CCDC171: variants seen among roughly 807,000 people sequenced by gnomAD.
CCDC171 encodes coiled-coil domain containing 171, also known as coiled-coil domain-containing protein 171.
Under a neutral mutation model 168.2 loss-of-function variants are expected in CCDC171, and 177 were observed. The observed-to-expected ratio is 1.05, with a 90% CI of 0.93 to 1.19. CCDC171 has a LOEUF of 1.19. CCDC171 is among the 50% of genes most tolerant of loss of function. The pLI is 0.00. For missense variants in CCDC171, 1,991 were observed against 1,539.0 expected (o/e 1.29, Z -4.91); for synonymous variants, 687 against 540.8 (o/e 1.27, Z -3.75).
intron 1 of CCDC171, among the ~76,000 whole-genome samples, chr9:16,047,044 G>A (rs1293154264): frequency 1.3e-5 from 2 of 152,044 alleles, no homozygotes; most frequent in Non-Finnish European, 2.9e-5. Context: ...CTGCATCCTT[G>A]GCCTACTTAT....
the CCDC171 span, among the ~76,000 whole-genome samples, chr9:16,105,512 A>G: frequency 6.6e-6 from 1 of 152,232 alleles, no homozygotes; most frequent in Non-Finnish European, 1.5e-5. Flanking sequence ...ATCAGATTTC[A>G]TGGCTTGATG....
At chr9:15,716,942 A>G (rs946115115) in intron 11 of CCDC171, among the ~76,000 whole-genome samples, 1 of 152,232 alleles carries the variant, frequency 6.6e-6, no homozygotes, top group African/African-American at 2.4e-5. Flanking sequence ...ATGGCTGAAT[A>G]GAAGCCTCCA....
intron 9 of CCDC171, among the ~76,000 whole-genome samples, chr9:15,671,612 G>T (rs1382940863): frequency 2.0e-5 from 3 of 148,768 alleles, no homozygotes; most frequent in Admixed American, 1.4e-4. Flanking sequence ...TGCAGTGTTT[G>T]GTTTTCTGTC....
intron 11 of CCDC171, among the ~76,000 whole-genome samples, chr9:15,719,795 T>C (rs923488996): frequency 7.9e-5 from 12 of 152,162 alleles, no homozygotes; most frequent in African/African-American, 2.9e-4. Context: ...ATTGTAAAAA[T>C]GCAGATTTCC....
chr9:15,764,180 A>G (rs10733301), intron 18 of CCDC171, among the ~76,000 whole-genome samples: 62,011 of 152,134 alleles, frequency 0.41, 14,306 homozygotes, highest in East Asian at 0.66. Flanking sequence ...GGGCAGGGTT[A>G]ACACCTGCAC....
Position 16,052,766 on chromosome 9 carries a change from C to A in CCDC171, n.90-7880C>A, listed in dbSNP as rs1586864070. Among the ~76,000 whole-genome samples the A allele has an allele frequency of 2.0e-5, 3 of 152,180 alleles. No individual in the cohort carries two copies. The South Asian group carries it at 6.2e-4, about 32-fold the overall frequency. ...TCTTTCTTCCCCTCTGTTCACTCCA[C>A]AAACTCTCTTTCTTTCCTCCCCCAA... is the stretch of plus-strand genomic sequence containing the variant. On this transcript the variant is annotated intron_variant and non_coding_transcript_variant, in intron 1 of 1. Transcript: ENST00000478913.
intron 11 of CCDC171, among the ~76,000 whole-genome samples, chr9:15,713,372 T>G (rs1212579536): frequency 4.0e-5 from 6 of 151,446 alleles, no homozygotes; most frequent in Admixed American, 2.6e-4. Flanking sequence ...GCATCCAAGG[T>G]GTGGGTTAAG....
intron 23 of CCDC171, among the ~76,000 whole-genome samples, chr9:15,849,487 A>G (rs1014276497): frequency 1.3e-5 from 2 of 151,546 alleles, no homozygotes; most frequent in African/African-American, 4.8e-5. Flanking sequence ...CTCCTGTATG[A>G]TAAACTCTGA....
intron 25 of CCDC171, among the ~76,000 whole-genome samples, chr9:15,939,166 A>T (rs1827438969): frequency 1.3e-5 from 2 of 151,566 alleles, no homozygotes; most frequent in African/African-American, 4.8e-5. Flanking sequence ...TTATATCTAT[A>T]TACTGTGTCT....
intron 10 of CCDC171, among the ~76,000 whole-genome samples, chr9:15,694,722 T>A (rs947480496): frequency 2.0e-5 from 3 of 152,202 alleles, no homozygotes; most frequent in Non-Finnish European, 4.4e-5. Context: ...TTCTACCATC[T>A]TAGTCTCTGT....
intron 21 of CCDC171, among the ~76,000 whole-genome samples, chr9:15,790,110 T>C (rs1259396427): frequency 6.6e-6 from 1 of 152,222 alleles, no homozygotes; most frequent in East Asian, 1.9e-4. Flanking sequence ...TTTGGGTATA[T>C]ACCCAGTAAT....
chr9:15,949,767 T>A (rs909783565), intron 25 of CCDC171, among the ~76,000 whole-genome samples: 1 of 152,154 alleles, frequency 6.6e-6, no homozygotes, highest in African/African-American at 2.4e-5. Context: ...ACAATTTGAC[T>A]TCCTCTTTTC....
the CCDC171 span, among the ~76,000 whole-genome samples, chr9:16,072,413 T>G: frequency 6.6e-6 from 1 of 152,208 alleles, no homozygotes; most frequent in African/African-American, 2.4e-5. Flanking sequence ...CCCAACTCTG[T>G]TTCATGCCAC....
intron 24 of CCDC171, among the ~76,000 whole-genome samples, chr9:15,917,964 G>C (rs1011387168): frequency 9.9e-5 from 15 of 151,582 alleles, no homozygotes; most frequent in Non-Finnish European, 2.2e-4. Context: ...TTTAAAAATA[G>C]AACAATAGTA....
chr9:16,054,444 A>G (rs939032173), intron 1 of CCDC171, among the ~76,000 whole-genome samples: 88 of 152,272 alleles, frequency 5.8e-4, no homozygotes, highest in Non-Finnish European at 1.5e-4. Context: ...GGAGGGCACC[A>G]GCTAGATGGG....
intron 7 of CCDC171, among the ~76,000 whole-genome samples, chr9:15,642,343 GTA>G (rs55976539): frequency 0.022 from 2,370 of 105,914 alleles, 36 homozygotes; most frequent in Non-Finnish European, 0.029. Context: ...GTGTGTGTGT[GTA>G]TATATATATA....
At chr9:15,955,235 A>G (rs1829669496) in intron 25 of CCDC171, among the ~76,000 whole-genome samples, 1 of 152,058 alleles carries the variant, frequency 6.6e-6, no homozygotes, top group Admixed American at 6.6e-5. Flanking sequence ...TCACATATGT[A>G]GTTGCTTTTA....
At chr9:15,885,602 G>A (rs1353122165) in intron 24 of CCDC171, 1 of 152,104 alleles carries the variant, frequency 6.6e-6, no homozygotes, top group African/African-American at 2.4e-5. Context: ...AGTTTATTAT[G>A]GCTTAGTGAT....
At chr9:15,577,985 G>A (rs935152890) in intron 3 of CCDC171, among the ~76,000 whole-genome samples, 1 of 152,186 alleles carries the variant, frequency 6.6e-6, no homozygotes, top group African/African-American at 2.4e-5. Context: ...TGCTACTTTG[G>A]AAGGATCACA....
Sources: allele counts gnomAD v4.1 joint callset (sites outside exome capture counted in the v4.1 genomes callset), GRCh38; gene constraint gnomAD v4.1.1; transcripts MANE v1.5; gene names NCBI Gene and HGNC (gene_info 2026-07-23, HGNC 2026-07-21).